Variants in KIF26B observed in about 807,000 individuals in gnomAD.
KIF26B encodes kinesin-like protein KIF26B.
A neutral mutation model predicts 151.2 loss-of-function variants in KIF26B; 63 were observed. The ratio of observed to expected loss-of-function variants is 0.42; its 90% CI spans 0.34 to 0.51. The LOEUF is 0.51. KIF26B is among the 20% of genes least tolerant of loss of function. The pLI is 0.07. For synonymous variants in KIF26B, 1,357 were observed against 1,262.1 expected, an observed-to-expected ratio of 1.08 and a Z score of -1.59; for missense variants, 2,813 against 2,913.6, an observed-to-expected ratio of 0.97 and a Z score of 0.79.
At chr1:245,471,119 G>GT in intron 4 of KIF26B, among the ~76,000 whole-genome samples, 1 of 141,852 alleles carries the variant, frequency 7.0e-6, no homozygotes, top group East Asian at 2.1e-4. Flanking sequence ...GATAGTATGT[G>GT]TGTGTGTGTG....
chr1:245,370,492 A>G, intron 3 of KIF26B: 2 of 409,422 alleles, frequency 4.9e-6, no homozygotes, highest in South Asian at 1.8e-5. Flanking sequence ...ACATCCTTTT[A>G]CCCAGGCCAT....
intron 5 of KIF26B, among the ~76,000 whole-genome samples, chr1:245,544,312 C>A (rs1338614761): frequency 6.6e-6 from 1 of 152,044 alleles, no homozygotes; most frequent in Non-Finnish European, 1.5e-5. Context: ...GATGGAATTC[C>A]CAAAAGCAAG....
chr1:245,565,968 T>C (rs541512433), intron 5 of KIF26B, among the ~76,000 whole-genome samples: 6 of 152,208 alleles, frequency 3.9e-5, no homozygotes, highest in African/African-American at 1.2e-4. Flanking sequence ...GTGGGAGCAA[T>C]AGAGAGAAGG....
At chr1:245,274,067 A>G (rs1314620328) in intron 2 of KIF26B, among the ~76,000 whole-genome samples, 9 of 152,188 alleles carry the variant, frequency 5.9e-5, no homozygotes, top group Non-Finnish European at 1.3e-4. Flanking sequence ...ATTACATAAA[A>G]CATTTTATAG....
Position 245,276,863 on chromosome 1 carries a change from C to T in KIF26B, c.466-89971C>T, listed in dbSNP as rs757654039. 2.0e-4 allele frequency among the ~76,000 whole-genome samples: 31 copies of T among 152,044 alleles called. 1 individual carries two copies. Among genetic ancestry groups the T allele is most frequent in the Non-Finnish European group, 3.4e-4 (23 of 68,026 alleles). Reference sequence around the variant, plus strand: ...TGCAGTTCCTATTTTGCCATGTTGCCGAAGTCACTTCCTGGAATGAAGGTC... The same window carrying T: ...TGCAGTTCCTATTTTGCCATGTTGCTGAAGTCACTTCCTGGAATGAAGGTC... On this transcript the variant is annotated intron_variant, in intron 2 of 14. Coordinates refer to ENST00000407071, the MANE Select transcript of KIF26B (RefSeq NM_018012.4).
At chr1:245,299,590 A>T (rs1573760738) in intron 2 of KIF26B, among the ~76,000 whole-genome samples, 2 of 152,292 alleles carry the variant, frequency 1.3e-5, no homozygotes, top group South Asian at 2.1e-4. Flanking sequence ...AGTTCTTACA[A>T]CAGTCCTGAG....
chr1:245,247,808 G>C lies in KIF26B; in HGVS notation c.465+91125G>C, dbSNP rs191482049. Among the ~76,000 whole-genome samples, 488 of 152,350 alleles carry C rather than the reference G, an allele frequency of 3.2e-3. 3 individuals are homozygous for C. Among genetic ancestry groups the C allele is most frequent in the African/African-American group, 0.011 (469 of 41,586 alleles). On this transcript the variant is annotated intron_variant, in intron 2 of 14. Coordinates refer to ENST00000407071, the MANE Select transcript of KIF26B (RefSeq NM_018012.4). Reference sequence around the variant, plus strand: ...ATCTGTTTGGAGAAGAGGGAACAGAGAGGAGCCTCGTGGCCTCAACCACTA... The same window carrying C: ...ATCTGTTTGGAGAAGAGGGAACAGACAGGAGCCTCGTGGCCTCAACCACTA...
chr1:245,635,772 C>T (rs940702035), intron 9 of KIF26B, among the ~76,000 whole-genome samples: 19 of 152,054 alleles, frequency 1.2e-4, no homozygotes, highest in African/African-American at 4.1e-4. Flanking sequence ...TAATGCTATA[C>T]GTTTGTTTTA....
chr1:245,588,487 T>C (rs1367063799), intron 5 of KIF26B, among the ~76,000 whole-genome samples: 1 of 152,296 alleles, frequency 6.6e-6, no homozygotes, highest in East Asian at 1.9e-4. Context: ...TTCCTCCAGC[T>C]GGGCTTCACT....
intron 2 of KIF26B, among the ~76,000 whole-genome samples, chr1:245,202,733 C>A (rs1320296918): frequency 1.4e-5 from 2 of 145,280 alleles, no homozygotes; most frequent in East Asian, 4.0e-4. Context: ...GCACTCCAGC[C>A]TGGGTGACAG....
At chr1:245,332,350 A>C (rs1365869479) in intron 2 of KIF26B, among the ~76,000 whole-genome samples, 1 of 152,130 alleles carries the variant, frequency 6.6e-6, no homozygotes, top group Admixed American at 6.5e-5. Context: ...GGCAGGTGAG[A>C]GGTGGGTATA....
chr1:245,232,915 T>G (rs973929189), intron 2 of KIF26B, among the ~76,000 whole-genome samples: 5 of 152,326 alleles, frequency 3.3e-5, no homozygotes, highest in East Asian at 1.9e-4. Flanking sequence ...GTTCTCTTTT[T>G]CACTGAGCCC....
intron 5 of KIF26B, among the ~76,000 whole-genome samples, chr1:245,598,009 TATTCTAGTTAGCA>T (rs1219754596): frequency 2.0e-5 from 3 of 152,134 alleles, no homozygotes; most frequent in African/African-American, 7.2e-5. Context: ...CTAAACTGGC[TATTCTAGTTAGCA>T]ATTCCTCTAA....
In KIF26B at chr1:245,355,830, C is replaced by T. The variant is rs1464465837; in HGVS notation, c.466-11004C>T. 6.6e-5 allele frequency among the ~76,000 whole-genome samples: 10 copies of T among 152,240 alleles called. No individual in the cohort carries two copies. In the South Asian group the frequency reaches 1.7e-3, roughly 25 times the overall value. Reference sequence around the variant, plus strand: ...GCAATTCACTGGGTGGAGGGTAGAGCGTCTCATGAAATCCTCGGCTCCTGT... The same window carrying T: ...GCAATTCACTGGGTGGAGGGTAGAGTGTCTCATGAAATCCTCGGCTCCTGT... On this transcript the variant is annotated intron_variant, in intron 2 of 14. Coordinates refer to ENST00000407071, the MANE Select transcript of KIF26B (RefSeq NM_018012.4).
intron 4 of KIF26B, among the ~76,000 whole-genome samples, chr1:245,461,716 G>A (rs367922712): frequency 8.5e-5 from 13 of 152,282 alleles, no homozygotes; most frequent in African/African-American, 2.2e-4. Context: ...TGTGGTCTCC[G>A]AAGTGTTGGC....
intron 10 of KIF26B, among the ~76,000 whole-genome samples, chr1:245,655,788 G>GGAGT (rs1386053671): frequency 1.3e-4 from 20 of 152,200 alleles, no homozygotes; most frequent in Admixed American, 1.3e-3. Flanking sequence ...TTTTAATGCT[G>GGAGT]GAGTAAAACT....
intron 2 of KIF26B, among the ~76,000 whole-genome samples, chr1:245,294,185 G>T (rs912036519): frequency 6.6e-6 from 1 of 152,080 alleles, no homozygotes; most frequent in Admixed American, 6.5e-5. Context: ...AATGGAAGGT[G>T]GCACAGTTGT....
rs760023803 is a variant in KIF26B, at chr1:245,698,860, C to T, written c.6028-27C>T. ...GTGGGCTGGGTGTGAGCAGAAGGGCCCTTTCTCCTCTCTGTCTGTGTGCTA... is the reference window on the plus strand; with the variant it reads ...GTGGGCTGGGTGTGAGCAGAAGGGCTCTTTCTCCTCTCTGTCTGTGTGCTA... On this transcript the variant is annotated intron_variant, in intron 13 of 14. Coordinates refer to ENST00000407071, the MANE Select transcript of KIF26B (RefSeq NM_018012.4). The surrounding 1 kb of genome is among the most constrained non-coding windows in gnomAD (Gnocchi z 4.0). The T allele has an allele frequency of 3.1e-6, 5 of 1,606,170 alleles. No homozygotes were observed. Among genetic ancestry groups the T allele is most frequent in the East Asian group, 4.5e-5 (2 of 44,710 alleles).
At chr1:245,203,084 T>G (rs1669333701) in intron 2 of KIF26B, among the ~76,000 whole-genome samples, 1 of 149,328 alleles carries the variant, frequency 6.7e-6, no homozygotes, top group Non-Finnish European at 1.5e-5. Context: ...TAGTCTCTAC[T>G]AAAAATACAA....
Sources: gnomAD v4.1 joint callset for allele counts (sites outside exome capture counted in the v4.1 genomes callset) on GRCh38, gnomAD v4.1.1 for gene constraint, Gnocchi (gnomAD v3.1) non-coding constraint, MANE v1.5 for transcripts, NCBI Gene and HGNC (gene_info 2026-07-23, HGNC 2026-07-21) for gene names.